The following HDX variants were observed in gnomAD, a reference collection of about 807,000 sequenced individuals.
HDX encodes chromosome X open reading frame 43.
Under a neutral mutation model 45.2 loss-of-function variants are expected in HDX, and 19 were observed. The observed-to-expected ratio is 0.42, with a 90% CI of 0.29 to 0.62. The LOEUF (loss-of-function observed/expected upper bound fraction) is 0.62, where lower values mean the gene tolerates loss of function less well. Among genes scored for constraint, HDX ranks in the 20% least tolerant of loss-of-function variants. The probability of loss-of-function intolerance (pLI) is 0.20; values close to 1 mark genes in which losing one functional copy is unlikely to be tolerated. For missense variants in HDX, 532 were observed against 493.9 expected, an observed-to-expected ratio of 1.08 and a Z score of -0.73; for synonymous variants, 188 against 172.8, an observed-to-expected ratio of 1.09 and a Z score of -0.69.
intron 4 of HDX, among the ~76,000 whole-genome samples, chrX:84,442,200 T>C (rs557289367): frequency 1.7e-3 from 188 of 111,638 alleles, no homozygotes; most frequent in African/African-American, 5.6e-3. Flanking sequence ...CAGTAGGTCA[T>C]TGAAGTGAGA....
At chrX:84,467,209 T>C (rs1403698369) in intron 4 of HDX, among the ~76,000 whole-genome samples, 2 of 111,454 alleles carry the variant, frequency 1.8e-5, no homozygotes, top group African/African-American at 6.5e-5. Context: ...TATTATTGCT[T>C]TTCATTTTCA....
In HDX at chrX:84,448,552, G is replaced by A. The variant is rs143678927; in HGVS notation, c.1252-7967C>T. Among the ~76,000 whole-genome samples the A allele has an allele frequency of 4.9e-3, 539 of 110,304 alleles. 3 individuals are homozygous for A. Among genetic ancestry groups the A allele is most frequent in the Non-Finnish European group, 8.5e-3 (448 of 52,780 alleles). On this transcript the variant is annotated intron_variant, in intron 4 of 10. Coordinates refer to ENST00000373177, the MANE Select transcript of HDX (RefSeq NM_001177479.2). The stretch of plus-strand genomic sequence containing the variant: ...CACTACTGATGCTGTTTACAGGTGA[G>A]GAAATCATGCAAGGACTATGCTAAT...
chrX:84,332,708 G>A (rs1261552509), intron 9 of HDX, among the ~76,000 whole-genome samples: 1 of 111,590 alleles, frequency 9.0e-6, no homozygotes, highest in African/African-American at 3.3e-5. Context: ...GACCATGTAG[G>A]AGAGATTATC....
chrX:84,430,948 G>A (rs1288794454), intron 5 of HDX, among the ~76,000 whole-genome samples: 1 of 110,353 alleles, frequency 9.1e-6, no homozygotes, highest in Admixed American at 9.7e-5. Flanking sequence ...GGGGTTTAGA[G>A]TACAGATTAT....
At chrX:84,417,973 T>A (rs2039154584) in intron 5 of HDX, among the ~76,000 whole-genome samples, 1 of 111,882 alleles carries the variant, frequency 8.9e-6, no homozygotes, top group Non-Finnish European at 1.9e-5. Flanking sequence ...CATTGTGGAG[T>A]GCTGAGGGAA....
rs188963610 is a variant in HDX at position 84,423,280 on chromosome X, C to G, written c.1305+17252G>C. Among the ~76,000 whole-genome samples the G allele has an allele frequency of 5.3e-3, 579 of 109,533 alleles. 3 individuals are homozygous for G. Among genetic ancestry groups the G allele is most frequent in the Non-Finnish European group, 9.5e-3 (502 of 52,605 alleles). On this transcript the variant is annotated intron_variant, in intron 5 of 10. Transcript: ENST00000373177. ...GCTTTCCAGTGAAAAAACAAACAAACTAACTAACAACAAAAACAAAAAACA... is the reference window on the plus strand; with the variant it reads ...GCTTTCCAGTGAAAAAACAAACAAAGTAACTAACAACAAAAACAAAAAACA...
chrX:84,459,247 C>A (rs62613289), intron 4 of HDX, among the ~76,000 whole-genome samples: 15 of 110,428 alleles, frequency 1.4e-4, no homozygotes, highest in Non-Finnish European at 2.7e-4. Flanking sequence ...TCAAGACCAT[C>A]CTGGCTAACA....
chrX:84,356,247 A>G (rs2037481620), intron 6 of HDX, among the ~76,000 whole-genome samples: 1 of 111,874 alleles, frequency 8.9e-6, no homozygotes, highest in African/African-American at 3.2e-5. Flanking sequence ...TATGTTGCAA[A>G]CATATTCTCC....
At chrX:84,444,960 AC>A (rs1476536014) in intron 4 of HDX, among the ~76,000 whole-genome samples, 1 of 111,719 alleles carries the variant, frequency 9.0e-6, no homozygotes, top group Non-Finnish European at 1.9e-5. Context: ...CACAATTTAG[AC>A]CCCACATATG....
chrX:84,501,897 C>CA (rs11394565), intron 1 of HDX, among the ~76,000 whole-genome samples: 6,275 of 111,708 alleles, frequency 0.056, 450 homozygotes, highest in African/African-American at 0.19. Context: ...ACCCCGCCCC[C>CA]ACCAAGGTGC....
In HDX at chrX:84,396,431, G is replaced by A. The variant is rs140233326; in HGVS notation, c.1306-34819C>T. ...CTGGACCCCAGTGGTGGCATTGGTA[G>A]TCTGAGTCTGCCTATCCTTGGGCCC... On this transcript the variant is annotated intron_variant, in intron 5 of 10. Coordinates refer to ENST00000373177, the MANE Select transcript of HDX (RefSeq NM_001177479.2). Among the ~76,000 whole-genome samples the A allele has an allele frequency of 6.4e-3, 722 of 112,310 alleles. 8 individuals carry two copies. The highest frequency in any genetic ancestry group is 0.022 in the African/African-American group (692 of 30,906).
intron 5 of HDX, among the ~76,000 whole-genome samples, chrX:84,400,168 C>G (rs1038873367): frequency 9.1e-6 from 1 of 109,517 alleles, no homozygotes; most frequent in African/African-American, 3.3e-5. Flanking sequence ...TGCTCTCTCT[C>G]ACCACTCCTA....
Position 84,498,821 on chromosome X carries a change from GCACACACACACACACA to G in HDX, c.-110+3505_-110+3520del, listed in dbSNP as rs202067754. On this transcript the variant is annotated intron_variant, in intron 1 of 10. Transcript: ENST00000373177. ...GTAATATGGTGTTTATGGAATGTAT[GCACACACACACACACA>G]CACACACACACACACACACACACAC... Among the ~76,000 whole-genome samples the G allele has an allele frequency of 5.6e-3, 528 of 94,658 alleles. 4 individuals are homozygous for G. Among genetic ancestry groups the G allele is most frequent in the African/African-American group, 0.018 (479 of 26,217 alleles). The allele number at this position is 94,658 out of a possible 115,157, so 82.2% of individuals were successfully genotyped here.
At chrX:84,398,700 T>C (rs2038625510) in intron 5 of HDX, among the ~76,000 whole-genome samples, 1 of 111,824 alleles carries the variant, frequency 8.9e-6, no homozygotes, top group Non-Finnish European at 1.9e-5. Context: ...GTGAACTCAG[T>C]TCTGGATCAA....
chrX:84,458,410 A>C (rs1283891717), intron 4 of HDX, among the ~76,000 whole-genome samples: 1 of 111,940 alleles, frequency 8.9e-6, no homozygotes, highest in Non-Finnish European at 1.9e-5. Flanking sequence ...GAACATTAAA[A>C]CCGGTTGTTT....
chrX:84,376,332 C>T (rs1471669120), intron 5 of HDX, among the ~76,000 whole-genome samples: 1 of 112,079 alleles, frequency 8.9e-6, no homozygotes, highest in Non-Finnish European at 1.9e-5. Context: ...CAAGGTGAAG[C>T]TCCTTCTGCT....
At chrX:84,357,045 TGTTGTCATGGCACAAGGTACTTATTA>T (rs1261247404) in intron 6 of HDX, among the ~76,000 whole-genome samples, 3 of 111,729 alleles carry the variant, frequency 2.7e-5, no homozygotes, top group Non-Finnish European at 5.6e-5. Context: ...ACCTGAACAC[TGTTGTCATGGCACAAGGTACTTATTA>T]GTACCAGAGG....
At chrX:84,419,755 C>T (rs2039205022) in intron 5 of HDX, among the ~76,000 whole-genome samples, 1 of 112,231 alleles carries the variant, frequency 8.9e-6, no homozygotes, top group African/African-American at 3.2e-5. Context: ...CACAGTAATA[C>T]TGGTGGTGGC....
Position 84,354,765 on chromosome X carries a change from G to A in HDX, c.1452+6701C>T, listed in dbSNP as rs1203608209. ...GGGAAGGGAAACATAAAGATTCTCTGGGCCTTTCTTGCAAATTCTGTTTCG... is the reference window on the plus strand; with the variant it reads ...GGGAAGGGAAACATAAAGATTCTCTAGGCCTTTCTTGCAAATTCTGTTTCG... On this transcript the variant is annotated intron_variant, in intron 6 of 10. Coordinates refer to ENST00000373177, the MANE Select transcript of HDX (RefSeq NM_001177479.2). 2.8e-5 allele frequency among the ~76,000 whole-genome samples: 3 copies of A among 107,568 alleles called. No homozygotes were observed. In the East Asian group the frequency reaches 8.6e-4, roughly 31 times the overall value. 93.4% of individuals were successfully genotyped at this position (107,568 alleles called of 115,157 possible). A position where few individuals can be genotyped will look rare whatever the true frequency, so the allele number is the denominator to read the frequency against.
Sources: gnomAD v4.1 joint callset for allele counts (sites outside exome capture counted in the v4.1 genomes callset) on GRCh38, gnomAD v4.1.1 for gene constraint, MANE v1.5 for transcripts, NCBI Gene and HGNC (gene_info 2026-07-23, HGNC 2026-07-21) for gene names.